The following FBXO6 variants were observed in gnomAD, a reference collection of about 807,000 sequenced individuals.
FBXO6 encodes the protein F-box protein 6.
A neutral mutation model predicts 25.0 loss-of-function variants in FBXO6; 13 were observed. The ratio of observed to expected loss-of-function variants is 0.52; its 90% CI spans 0.34 to 0.83. The LOEUF is 0.83. FBXO6 is among the 40% of genes least tolerant of loss of function. The pLI, the probability that FBXO6 is intolerant of heterozygous loss-of-function variation, is 0.02. For synonymous variants in FBXO6, 138 were observed against 155.3 expected (o/e 0.89, Z 0.83); for missense variants, 370 against 380.2 (o/e 0.97, Z 0.22).
intron 1 of FBXO6, among the ~76,000 whole-genome samples, chr1:11,667,423 C>T (rs1380128262): frequency 3.3e-5 from 5 of 152,196 alleles, no homozygotes; most frequent in African/African-American, 1.2e-4. Context: ...ACAAGGAGGA[C>T]AGTGTTGAGA....
chr1:11,665,215 CTTTTTTTTTTTTTTT>C (rs541103021), intron 1 of FBXO6, among the ~76,000 whole-genome samples: 1 of 61,586 alleles, frequency 1.6e-5, no homozygotes, highest in South Asian at 8.1e-4. Context: ...TAGCTAATTT[CTTTTTTTTTTTTTTT>C]TTTTTTTTTT....
chr1:11,672,138 C>T, intron 4 of FBXO6, 115 bp downstream of exon 4: 1 of 947,350 alleles, frequency 1.1e-6, no homozygotes, highest in Non-Finnish European at 1.6e-6. Context: ...GCCCTGGAGC[C>T]AGGTAGCCCC....
chr1:11,665,971 T>C (rs1640422019), intron 1 of FBXO6, among the ~76,000 whole-genome samples: 1 of 151,696 alleles, frequency 6.6e-6, no homozygotes, highest in Admixed American at 6.6e-5. Context: ...TCTCAGAACT[T>C]AGAAGACTTG....
intron 1 of FBXO6, among the ~76,000 whole-genome samples, chr1:11,665,563 T>TTTTTTTTTTG (rs1640406393): frequency 1.1e-5 from 1 of 88,652 alleles, no homozygotes; most frequent in Non-Finnish European, 2.1e-5. Context: ...CCTTTTTTTT[T>TTTTTTTTTTG]TTTTTTTTTT....
intron 4 of FBXO6, 78 bp downstream of exon 4, chr1:11,672,101 T>A: frequency 7.7e-7 from 1 of 1,305,124 alleles, no homozygotes; most frequent in Non-Finnish European, 1.1e-6. Flanking sequence ...AGACAACCCA[T>A]AGCAAGTGCC....
At chr1:11,665,212 TTTC>T (rs1640382197) in intron 1 of FBXO6, among the ~76,000 whole-genome samples, 1 of 119,654 alleles carries the variant, frequency 8.4e-6, no homozygotes, top group Non-Finnish European at 1.7e-5. Flanking sequence ...GCCTAGCTAA[TTTC>T]TTTTTTTTTT....
Position 11,673,581 on chromosome 1 carries a change from C to T in FBXO6, c.646-34C>T. ...GGCTCCTGCCTTCCCCTCCCCCGTCCCGGTGGTCACTTCCTCTCCCTTCCT... is the reference window on the plus strand; with the variant it reads ...GGCTCCTGCCTTCCCCTCCCCCGTCTCGGTGGTCACTTCCTCTCCCTTCCT... On this transcript the variant is annotated intron_variant, in intron 5 of 5. Coordinates refer to ENST00000376753, the MANE Select transcript of FBXO6 (RefSeq NM_018438.6). The surrounding 1 kb of genome is among the most constrained non-coding windows in gnomAD (Gnocchi z 4.3). 2 of 1,598,182 alleles carry T rather than the reference C, an allele frequency of 1.3e-6. No individual in the cohort carries two copies. The highest frequency in any genetic ancestry group is 8.6e-7 in the Non-Finnish European group (1 of 1,167,660).
In FBXO6 at chr1:11,667,160, GA is replaced by G. The variant is rs796602620; in HGVS notation, c.-3-1485del. Among the ~76,000 whole-genome samples, 445 of 142,596 alleles carry G rather than the reference GA, an allele frequency of 3.1e-3. 2 individuals are homozygous for G. Among genetic ancestry groups the G allele is most frequent in the Middle Eastern group, 0.018 (5 of 280 alleles). 93.5% of individuals were successfully genotyped at this position (142,596 alleles called of 152,430 possible). A position where few individuals can be genotyped will look rare whatever the true frequency, so the allele number is the denominator to read the frequency against. On this transcript the variant is annotated intron_variant, in intron 1 of 5. Transcript: ENST00000376753. ...GAAACTGTCTCGGGGTGGGGGGGAA[GA>G]AAAAAAAAAAGAGGCCAGCAAGGTT...
At chr1:11,668,559 G>A (rs774135286) in intron 1 of FBXO6, 97 bp from the exon 2 acceptor site, 53 of 1,456,588 alleles carry the variant, frequency 3.6e-5, no homozygotes, top group Non-Finnish European at 4.6e-5. Flanking sequence ...ACCACACCTG[G>A]CTAATGCAGG....
In FBXO6 at chr1:11,669,683, T is replaced by C. The variant is rs554158876; in HGVS notation, c.286+739T>C. Among the ~76,000 whole-genome samples the C allele has an allele frequency of 2.5e-3, 367 of 148,816 alleles. 4 individuals are homozygous for C. The highest frequency in any genetic ancestry group is 8.7e-3 in the African/African-American group (352 of 40,570). On this transcript the variant is annotated intron_variant, in intron 2 of 5. Coordinates refer to ENST00000376753, the MANE Select transcript of FBXO6 (RefSeq NM_018438.6). The stretch of plus-strand genomic sequence containing the variant: ...ATACACATGTATATATGTACACATA[T>C]ATACGTATATATACATATGTATACA...
chr1:11,671,285 A>G lies in FBXO6; in HGVS notation c.306A>G (p.Gln102=). The change falls in exon 3 of 6, where the codon CAA becomes CAG. Residue 102 remains glutamine, a synonymous_variant. Coordinates refer to ENST00000376753, the MANE Select transcript of FBXO6 (RefSeq NM_018438.6). ...PCAEEDMFAW[Q]IDFNGGDRWK... The stretch of plus-strand genomic sequence containing the variant: ...TCCTAGAGGATATGTTTGCATGGCA[A>G]ATTGATTTCAATGGTGGGGACCGCT... 6.2e-7 allele frequency: 1 copy of G among 1,614,016 alleles called. No homozygotes were observed.
At chr1:11,669,700 ATGTATACATATATG>A (rs1406614627) in intron 2 of FBXO6, among the ~76,000 whole-genome samples, 8 of 138,788 alleles carry the variant, frequency 5.8e-5, no homozygotes, top group Admixed American at 1.4e-4. Flanking sequence ...ATATATACAT[ATGTATACATATATG>A]TGTATACATA....
intron 2 of FBXO6, among the ~76,000 whole-genome samples, chr1:11,670,638 A>AG (rs35421888): frequency 0.015 from 1,989 of 134,804 alleles, 20 homozygotes; most frequent in South Asian, 0.032. Flanking sequence ...TAAAAAAAAA[A>AG]GGGGGGGGGG....
In FBXO6 at chr1:11,673,926, TC is replaced by T; in HGVS notation, c.*78del. 7.4e-7 allele frequency: 1 copy of T among 1,358,294 alleles called. No individual in the cohort carries two copies. Among genetic ancestry groups the T allele is most frequent in the South Asian group, 1.2e-5 (1 of 83,330 alleles). 84.1% of individuals were successfully genotyped at this position (1,358,294 alleles called of 1,614,324 possible). A position where few individuals can be genotyped will look rare whatever the true frequency, so the allele number is the denominator to read the frequency against. ...GCTGAGCATGGGGTGGGCAGTGAGGTCCCTGTACCAGCGACTCCTGCCCCGG... is the reference window on the plus strand; with the variant it reads ...GCTGAGCATGGGGTGGGCAGTGAGGTCCTGTACCAGCGACTCCTGCCCCGG... On this transcript the variant is annotated 3_prime_UTR_variant, in exon 6 of 6. Coordinates refer to ENST00000376753, the MANE Select transcript of FBXO6 (RefSeq NM_018438.6). This position sits in a 1 kb window ranked among gnomAD's most constrained non-coding sequence, Gnocchi z 4.3.
chr1:11,671,400 A>T lies in FBXO6; in HGVS notation c.413+8A>T. 1 of 1,612,702 alleles carries T rather than the reference A, an allele frequency of 6.2e-7. No homozygotes were observed. Among genetic ancestry groups the T allele is most frequent in the Non-Finnish European group, 8.5e-7 (1 of 1,178,798 alleles). On this transcript the variant is annotated splice_region_variant and intron_variant, in intron 3 of 5. Coordinates refer to ENST00000376753, the MANE Select transcript of FBXO6 (RefSeq NM_018438.6). Reference sequence around the variant, plus strand: ...TTTTGTCACATCCTACGAGTAAGGCAAACTGAACCTACCAGGCTTGCGTGG... The same window carrying T: ...TTTTGTCACATCCTACGAGTAAGGCTAACTGAACCTACCAGGCTTGCGTGG...
Position 11,673,898 on chromosome 1 carries a change from G to A in FBXO6, c.*47G>A. On this transcript the variant is annotated 3_prime_UTR_variant, in exon 6 of 6. Coordinates refer to ENST00000376753, the MANE Select transcript of FBXO6 (RefSeq NM_018438.6). This position sits in a 1 kb window ranked among gnomAD's most constrained non-coding sequence, Gnocchi z 4.3. ...GGTCAGCCAGAGGTTCCTCCAGGCAGGAGCTGAGCATGGGGTGGGCAGTGA... is the reference window on the plus strand; with the variant it reads ...GGTCAGCCAGAGGTTCCTCCAGGCAAGAGCTGAGCATGGGGTGGGCAGTGA... The A allele has an allele frequency of 1.3e-6, 2 of 1,581,244 alleles. No homozygotes were observed. Among genetic ancestry groups the A allele is most frequent in the Non-Finnish European group, 1.7e-6 (2 of 1,151,324 alleles).
chr1:11,668,926 C>T lies in FBXO6; in HGVS notation c.268C>T (p.Arg90Cys), dbSNP rs555493431. The T allele has an allele frequency of 4.0e-5, 65 of 1,613,848 alleles. No homozygotes were observed. In the South Asian group the frequency reaches 4.1e-4, roughly 10 times the overall value. Residue 90 changes from arginine (R) to cysteine (C), a missense_variant, in exon 2 of 6, where the codon CGC (arginine) becomes TGC (cysteine). Arg to Cys is a radical substitution (Grantham distance 180). Transcript: ENST00000376753. ...ACGGAGCCTGCATAGGAACCTCCTG[C>T]GCAACCCGTGTGCTGAAGGTGGCAT... ...FLRSLHRNLL[R>C]NPCAEEDMFA...
intron 3 of FBXO6, among the ~76,000 whole-genome samples, chr1:11,671,663 G>A (rs1285478252): frequency 6.6e-6 from 1 of 152,212 alleles, no homozygotes; most frequent in Non-Finnish European, 1.5e-5. Flanking sequence ...CGTAAGCTAG[G>A]AACTTGAGTT....
chr1:11,672,706 T>C (rs1640654942), intron 4 of FBXO6, among the ~76,000 whole-genome samples: 1 of 152,200 alleles, frequency 6.6e-6, no homozygotes, highest in African/African-American at 2.4e-5. Context: ...ATTCATCCCA[T>C]GACTCTTTTT....
Sources: gnomAD v4.1 joint callset for allele counts (sites outside exome capture counted in the v4.1 genomes callset) on GRCh38, gnomAD v4.1.1 for gene constraint, Gnocchi (gnomAD v3.1) non-coding constraint, MANE v1.5 for transcripts, NCBI Gene and HGNC (gene_info 2026-07-23, HGNC 2026-07-21) for gene names.